PALD1: variants seen among roughly 807,000 people sequenced by gnomAD.
PALD1 encodes the protein phosphatase domain containing paladin 1.
In PALD1, 57 loss-of-function variants were observed where a neutral mutation model predicts 96.0. The ratio of observed to expected loss-of-function variants is 0.59; its 90% confidence interval spans 0.48 to 0.74. PALD1 has a LOEUF of 0.74. Ranked by LOEUF, PALD1 falls within the 30% of genes least tolerant of loss-of-function variation. PALD1 has a pLI of 0.00. For synonymous variants in PALD1, 464 were observed against 473.6 expected, an observed-to-expected ratio of 0.98 and a Z score of 0.26; for missense variants, 1,063 against 1,143.7, an observed-to-expected ratio of 0.93 and a Z score of 1.02.
chr10:70,537,867 C>A lies in PALD1; in HGVS notation c.1284C>A (p.Tyr428Ter), dbSNP rs756753364. Residue 428 changes from tyrosine to a stop codon, truncating the protein, a stop_gained, in exon 11 of 20, where the codon TAC (tyrosine) becomes TAA (stop). Coordinates refer to ENST00000263563, the MANE Select transcript of PALD1 (RefSeq NM_014431.3). LOFTEE classifies it high-confidence loss of function. ...WQRALWSLER[Y>*]FYLILFNYYL... ...GGGCGCTGTGGAGCCTGGAGCGATA[C>A]TTCTACCTGATCCTGTTTAACTACT... 8.1e-6 allele frequency: 13 copies of A among 1,613,722 alleles called. No individual in the cohort carries two copies. The highest frequency in any genetic ancestry group is 8.5e-7 in the Non-Finnish European group (1 of 1,179,774).
At chr10:70,464,987 ATGTT>A in the PALD1 span, among the ~76,000 whole-genome samples, 1 of 129,464 alleles carries the variant, frequency 7.7e-6, no homozygotes, top group Non-Finnish European at 1.6e-5. Context: ...GTATGTATGT[ATGTT>A]TGAGATGGAG....
intron 1 of PALD1, among the ~76,000 whole-genome samples, chr10:70,519,893 A>G (rs1846695199): frequency 6.6e-6 from 1 of 152,078 alleles, no homozygotes; most frequent in African/African-American, 2.4e-5. Context: ...GGATTTTAAC[A>G]TATGAGTTTT....
chr10:70,518,849 A>C (rs960603043), intron 1 of PALD1, among the ~76,000 whole-genome samples: 1 of 152,046 alleles, frequency 6.6e-6, no homozygotes, highest in Non-Finnish European at 1.5e-5. Flanking sequence ...TGGCAGACAC[A>C]TGAGTCACAC....
In PALD1 at chr10:70,501,009, G is replaced by A. The variant is rs1382938593; in HGVS notation, c.-30+21950G>A. ...ACCCCACAGGCCACCAGCAGGTGGG[G>A]GCTCCTGATGGAATGTTGGCCTGTC... On this transcript the variant is annotated intron_variant, in intron 1 of 19. Coordinates refer to ENST00000263563, the MANE Select transcript of PALD1 (RefSeq NM_014431.3). 4.6e-5 allele frequency among the ~76,000 whole-genome samples: 7 copies of A among 152,292 alleles called. No individual in the cohort carries two copies. The South Asian group carries it at 1.2e-3, about 27-fold the overall frequency.
chr10:70,500,401 G>T (rs1403118279), intron 1 of PALD1, among the ~76,000 whole-genome samples: 1 of 152,128 alleles, frequency 6.6e-6, no homozygotes, highest in Non-Finnish European at 1.5e-5. Context: ...CTAAGATCCT[G>T]GCATGGTCCC....
intron 1 of PALD1, among the ~76,000 whole-genome samples, chr10:70,484,000 T>TTTTG (rs1359337309): frequency 6.6e-6 from 1 of 152,218 alleles, no homozygotes; most frequent in East Asian, 1.9e-4. Context: ...GCAATATATT[T>TTTTG]TTTGTTTGTT....
chr10:70,543,247 T>C (rs1483500423), intron 17 of PALD1, among the ~76,000 whole-genome samples: 2 of 152,178 alleles, frequency 1.3e-5, no homozygotes, highest in Non-Finnish European at 2.9e-5. Context: ...AATTGGATTG[T>C]TGTTGAGTTT....
intron 1 of PALD1, among the ~76,000 whole-genome samples, chr10:70,487,501 T>G (rs1356849092): frequency 6.6e-6 from 1 of 151,990 alleles, no homozygotes; most frequent in Non-Finnish European, 1.5e-5. Flanking sequence ...TGTTTTTTTT[T>G]TAAACTGAGG....
intron 18 of PALD1, among the ~76,000 whole-genome samples, chr10:70,557,137 C>A (rs902124332): frequency 1.3e-5 from 2 of 152,252 alleles, no homozygotes; most frequent in African/African-American, 4.8e-5. Flanking sequence ...GCAGCCCTGG[C>A]TCTGCCAGTA....
chr10:70,537,863 G>C lies in PALD1; in HGVS notation c.1280G>C (p.Arg427Pro), dbSNP rs267602563. ...VWQRALWSLERYFYLILFNYY... is the reference protein window; with the variant it reads ...VWQRALWSLEPYFYLILFNYY... ...CAGAGGGCGCTGTGGAGCCTGGAGCGATACTTCTACCTGATCCTGTTTAAC... is the reference window on the plus strand; with the variant it reads ...CAGAGGGCGCTGTGGAGCCTGGAGCCATACTTCTACCTGATCCTGTTTAAC... The change falls in exon 11 of 20, where the codon CGA becomes CCA. Residue 427 changes from arginine (R) to proline (P), a missense_variant. Physicochemically the swap from Arg to Pro is moderately radical, Grantham distance 103 (BLOSUM62 -2). Transcript: ENST00000263563. The C allele has an allele frequency of 6.2e-7, 1 of 1,613,874 alleles. No individual in the cohort carries two copies. Among genetic ancestry groups the C allele is most frequent in the Non-Finnish European group, 8.5e-7 (1 of 1,179,800 alleles).
intron 18 of PALD1, among the ~76,000 whole-genome samples, chr10:70,550,000 G>A (rs916398558): frequency 2.0e-5 from 3 of 152,236 alleles, no homozygotes; most frequent in Non-Finnish European, 4.4e-5. Context: ...AGGCCCCTTG[G>A]AGGGCCCAGA....
chr10:70,526,178 G>A lies in PALD1; in HGVS notation c.185+42G>A, dbSNP rs547369695. Reference sequence around the variant, plus strand: ...GTGTGCCCATGTCCCTGGGAGACATGATGGGCGGGGGGACCTGCTTGGGGG... The same window carrying A: ...GTGTGCCCATGTCCCTGGGAGACATAATGGGCGGGGGGACCTGCTTGGGGG... On this transcript the variant is annotated intron_variant, in intron 2 of 19. Coordinates refer to ENST00000263563, the MANE Select transcript of PALD1 (RefSeq NM_014431.3). The A allele has an allele frequency of 9.0e-6, 14 of 1,557,422 alleles. No homozygotes were observed. In the South Asian group the frequency reaches 1.0e-4, roughly 11 times the overall value.
At chr10:70,499,356 C>A (rs1042596833) in intron 1 of PALD1, among the ~76,000 whole-genome samples, 1 of 152,320 alleles carries the variant, frequency 6.6e-6, no homozygotes, top group African/African-American at 2.4e-5. Flanking sequence ...TCCTCCCAGC[C>A]CCAGGTCCCC....
At chr10:70,478,308 A>C (rs1300106247), upstream of PALD1, among the ~76,000 whole-genome samples, 1 of 152,070 alleles carries the variant, frequency 6.6e-6, no homozygotes, top group African/African-American at 2.4e-5. Flanking sequence ...CTGCACAGCG[A>C]GGCCGGCCCG....
At chr10:70,566,531 G>A (rs898373338) in intron 19 of PALD1, 50 bp from the exon 20 acceptor site, 10 of 1,479,078 alleles carry the variant, frequency 6.8e-6, no homozygotes, top group Admixed American at 5.8e-5. Context: ...TGGCCTTAGT[G>A]GCACCCTCCC....
At chr10:70,493,123 C>T (rs987747707) in intron 1 of PALD1, among the ~76,000 whole-genome samples, 1 of 152,210 alleles carries the variant, frequency 6.6e-6, no homozygotes. Context: ...GCTGCCGCTG[C>T]TGCTTCCTTT....
chr10:70,561,131 C>T (rs990105023), intron 18 of PALD1, among the ~76,000 whole-genome samples: 3 of 152,200 alleles, frequency 2.0e-5, no homozygotes. Flanking sequence ...AGCCACTCCA[C>T]CTCTTACCCC....
intron 5 of PALD1, among the ~76,000 whole-genome samples, chr10:70,532,090 G>C (rs1409948400): frequency 6.6e-6 from 1 of 152,182 alleles, no homozygotes; most frequent in South Asian, 2.1e-4. Context: ...ACGAGCCTCT[G>C]AGTCAGTTCC....
At chr10:70,472,668 C>G in the PALD1 span, among the ~76,000 whole-genome samples, 1 of 152,242 alleles carries the variant, frequency 6.6e-6, no homozygotes, top group East Asian at 1.9e-4. Context: ...CCCCCTCCCA[C>G]CCCTTGTCTT....
Sources: gnomAD v4.1 joint callset for allele counts (sites outside exome capture counted in the v4.1 genomes callset) on GRCh38, gnomAD v4.1.1 for gene constraint, MANE v1.5 for transcripts, NCBI Gene and HGNC (gene_info 2026-07-23, HGNC 2026-07-21) for gene names.